SGK1: variants seen among roughly 807,000 people sequenced by gnomAD.
The protein encoded by SGK1 is serine/threonine-protein kinase Sgk1.
A neutral mutation model predicts 64.2 loss-of-function variants in SGK1; 26 were observed. The ratio of observed to expected loss-of-function variants is 0.40; its 90% confidence interval spans 0.30 to 0.56. The LOEUF is 0.56. SGK1 is among the 20% of genes least tolerant of loss of function. The probability of loss-of-function intolerance (pLI) is 0.38; values close to 1 mark genes in which losing one functional copy is unlikely to be tolerated. For missense variants in SGK1, 519 were observed against 645.6 expected (o/e 0.80, Z 2.12); for synonymous variants, 265 against 239.7 (o/e 1.11, Z -0.98).
At chr6:134,302,546 C>T (rs933916930) in intron 1 of SGK1, among the ~76,000 whole-genome samples, 4 of 151,986 alleles carry the variant, frequency 2.6e-5, no homozygotes, top group African/African-American at 4.8e-5. Flanking sequence ...GTCTTCAGAC[C>T]GACTCATCAG....
chr6:134,194,939 G>A (rs1034080847), intron 3 of SGK1, among the ~76,000 whole-genome samples: 1 of 152,058 alleles, frequency 6.6e-6, no homozygotes, highest in Admixed American at 6.6e-5. Context: ...TAAAATTTAG[G>A]ACATTTTAAC....
chr6:134,232,431 G>GAGAGAA (rs1776298420), intron 2 of SGK1, among the ~76,000 whole-genome samples: 1 of 26,570 alleles, frequency 3.8e-5, no homozygotes, highest in East Asian at 9.5e-4. Flanking sequence ...AAGAAAGAAA[G>GAGAGAA]AAAGAAAGAA....
chr6:134,285,638 AT>A (rs1421945007), intron 1 of SGK1, among the ~76,000 whole-genome samples: 8 of 150,662 alleles, frequency 5.3e-5, no homozygotes, highest in African/African-American at 1.7e-4. Context: ...GATGCTGAGC[AT>A]TTTTTTCATA....
At chr6:134,222,008 A>T (rs906421112) in intron 2 of SGK1, among the ~76,000 whole-genome samples, 1 of 152,174 alleles carries the variant, frequency 6.6e-6, no homozygotes, top group Non-Finnish European at 1.5e-5. Context: ...GTGAATCATA[A>T]ATCCCACTGT....
At chr6:134,220,065 A>C (rs1156848692) in intron 2 of SGK1, among the ~76,000 whole-genome samples, 1 of 37,440 alleles carries the variant, frequency 2.7e-5, no homozygotes, top group Non-Finnish European at 2.0e-4. Flanking sequence ...TCTCAAAAAA[A>C]AAAAAAAAAA....
At chr6:134,296,509 C>T (rs1777349284) in intron 1 of SGK1, among the ~76,000 whole-genome samples, 2 of 152,066 alleles carry the variant, frequency 1.3e-5, no homozygotes, top group African/African-American at 4.8e-5. Context: ...ACTGCCAACA[C>T]CAGGATCTCA....
chr6:134,233,581 C>T (rs1237438746), intron 2 of SGK1, among the ~76,000 whole-genome samples: 2 of 152,152 alleles, frequency 1.3e-5, no homozygotes, highest in African/African-American at 4.8e-5. Flanking sequence ...ATTTTGAAGG[C>T]CTGAACCCTC....
chr6:134,317,265 C>T, intron 1 of SGK1, 127 bp downstream of exon 1: 1 of 735,798 alleles, frequency 1.4e-6, no homozygotes, highest in Admixed American at 2.0e-5. Context: ...AGCTTTACCA[C>T]TGCCATCAGA....
intron 2 of SGK1, among the ~76,000 whole-genome samples, chr6:134,239,968 G>C (rs1380981797): frequency 6.6e-6 from 1 of 152,104 alleles, no homozygotes. Context: ...TGGGAAGCGA[G>C]GACATCAGGG....
At chr6:134,265,977 C>A (rs76200271) in intron 1 of SGK1, among the ~76,000 whole-genome samples, 4,111 of 151,034 alleles carry the variant, frequency 0.027, 180 homozygotes, top group African/African-American at 0.089. Flanking sequence ...TTATTTATTT[C>A]TTTATTCATT....
intron 3 of SGK1, among the ~76,000 whole-genome samples, chr6:134,183,969 TTG>T (rs1452212674): frequency 6.6e-6 from 1 of 151,102 alleles, no homozygotes; most frequent in Non-Finnish European, 1.5e-5. Context: ...GCAGCACAAT[TTG>T]TGTCTCTCAC....
chr6:134,194,572 G>A (rs1394098006), intron 3 of SGK1, among the ~76,000 whole-genome samples: 10 of 148,998 alleles, frequency 6.7e-5, no homozygotes, highest in Admixed American at 3.4e-4. Context: ...AGGCTGGAGT[G>A]CAGTGGCACG....
intron 2 of SGK1, among the ~76,000 whole-genome samples, chr6:134,257,501 A>C (rs1185908883): frequency 6.6e-6 from 1 of 152,116 alleles, no homozygotes. Flanking sequence ...AAACATTCTT[A>C]CCTCGTTTTC....
At chr6:134,238,875 A>C (rs954656658) in intron 2 of SGK1, among the ~76,000 whole-genome samples, 7 of 152,212 alleles carry the variant, frequency 4.6e-5, no homozygotes, top group Non-Finnish European at 8.8e-5. Flanking sequence ...GGACTTGAGA[A>C]TTAGATCGTC....
Position 134,173,522 on chromosome 6 carries a change from A to G in SGK1, c.558T>C (p.Pro186=). 1 of 1,612,962 alleles carries G rather than the reference A, an allele frequency of 6.2e-7. No individual in the cohort carries two copies. Among genetic ancestry groups the G allele is most frequent in the Non-Finnish European group, 8.5e-7 (1 of 1,179,730 alleles). The part of the protein sequence containing the change: ...QQINLGPSSN[P]HAKPSDFHFL... ...AGTGAAAGTCAGATGGTTTAGCATG[A>G]GGATTGGACGACGGGCCAAGGTTGA... The change falls in exon 6 of 14, where the codon CCT becomes CCC. Residue 186 remains proline (P), a synonymous_variant. Coordinates refer to ENST00000367858, the MANE Select transcript of SGK1 (RefSeq NM_001143676.3).
intron 1 of SGK1, among the ~76,000 whole-genome samples, chr6:134,269,522 G>A (rs1776908149): frequency 6.8e-6 from 1 of 147,178 alleles, no homozygotes; most frequent in East Asian, 2.5e-4. Flanking sequence ...AGCCACCATG[G>A]TGGCGTCCAC....
chr6:134,295,598 G>T (rs1181729892), intron 1 of SGK1, among the ~76,000 whole-genome samples: 3 of 152,178 alleles, frequency 2.0e-5, no homozygotes, highest in African/African-American at 7.2e-5. Context: ...CAGCTACTGG[G>T]GGACTGAGGC....
At chr6:134,196,224 T>A (rs72972241) in intron 3 of SGK1, among the ~76,000 whole-genome samples, 2,751 of 152,094 alleles carry the variant, frequency 0.018, 35 homozygotes, top group South Asian at 0.038. Context: ...GGCGGGAGGA[T>A]CACTTATTTT....
chr6:134,309,731 A>C (rs879478413), intron 1 of SGK1, among the ~76,000 whole-genome samples: 6 of 152,180 alleles, frequency 3.9e-5, no homozygotes, highest in Non-Finnish European at 7.4e-5. Context: ...GTGAGGAGCC[A>C]ATGATTTCAC....
Sources: gnomAD v4.1 joint callset for allele counts (sites outside exome capture counted in the v4.1 genomes callset) on GRCh38, gnomAD v4.1.1 for gene constraint, MANE v1.5 for transcripts, NCBI Gene and HGNC (gene_info 2026-07-23, HGNC 2026-07-21) for gene names.